KCNB2: variants seen among roughly 807,000 people sequenced by gnomAD.
KCNB2 encodes delayed rectifier potassium channel protein.
In KCNB2, 15 loss-of-function variants were observed where a neutral mutation model predicts 61.5. The observed-to-expected ratio is 0.24, with a 90% CI of 0.16 to 0.38. The LOEUF (loss-of-function observed/expected upper bound fraction) is 0.38, where lower values mean the gene tolerates loss of function less well. Ranked by LOEUF, KCNB2 falls within the 10% of genes least tolerant of loss-of-function variation. The pLI is 1.00. For synonymous variants in KCNB2, 457 were observed against 446.0 expected, an observed-to-expected ratio of 1.02 and a Z score of -0.31; for missense variants, 828 against 1,125.2, an observed-to-expected ratio of 0.74 and a Z score of 3.78.
In KCNB2 at chr8:72,561,719, A is replaced by C. The variant is rs866378431; in HGVS notation, c.-93-5923A>C. 2.1e-4 allele frequency among the ~76,000 whole-genome samples: 5 copies of C among 24,114 alleles called. 1 individual carries two copies. The highest frequency in any genetic ancestry group is 3.6e-4 in the African/African-American group (1 of 2,742). The allele number at this position is 24,114 out of a possible 152,430, so 15.8% of individuals were successfully genotyped here. A position where few individuals can be genotyped will look rare whatever the true frequency, so the allele number is the denominator to read the frequency against. ...TATATATATATATATATATATATAT[A>C]TATATATATCTATATCTATATATAT... is the stretch of plus-strand genomic sequence containing the variant. On this transcript the variant is annotated intron_variant, in intron 1 of 2. Coordinates refer to ENST00000523207, the MANE Select transcript of KCNB2 (RefSeq NM_004770.3).
chr8:72,727,075 CT>C (rs1256266831), intron 2 of KCNB2, among the ~76,000 whole-genome samples: 1 of 152,038 alleles, frequency 6.6e-6, no homozygotes, highest in Non-Finnish European at 1.5e-5. Flanking sequence ...ATTAAAAAGA[CT>C]AGTAAGCTAA....
intron 2 of KCNB2, among the ~76,000 whole-genome samples, chr8:72,576,338 C>T (rs1429005925): frequency 6.6e-6 from 1 of 152,100 alleles, no homozygotes; most frequent in Non-Finnish European, 1.5e-5. Context: ...AGCTGGTCAC[C>T]CAATGCTGTC....
intron 2 of KCNB2, among the ~76,000 whole-genome samples, chr8:72,655,670 C>T (rs1806279376): frequency 6.6e-6 from 1 of 151,978 alleles, no homozygotes; most frequent in Non-Finnish European, 1.5e-5. Context: ...TAGTTTTGAC[C>T]ATGATACATT....
At position 72,926,129 on chromosome 8, in the gene KCNB2, G is replaced by A. The variant is rs567315883; in HGVS notation, c.580-9806G>A. Among the ~76,000 whole-genome samples, 6 of 152,260 alleles carry A rather than the reference G, an allele frequency of 3.9e-5. No individual in the cohort carries two copies. The South Asian group carries it at 1.2e-3, about 32-fold the overall frequency. Reference sequence around the variant, plus strand: ...GTTGGGGGAGGGAGAGCATCAGGAAGAATAGCTAAGGGATGCTGGGCTCAA... The same window carrying A: ...GTTGGGGGAGGGAGAGCATCAGGAAAAATAGCTAAGGGATGCTGGGCTCAA... On this transcript the variant is annotated intron_variant, in intron 2 of 2. Transcript: ENST00000523207.
At chr8:72,600,858 G>C (rs1012953283) in intron 2 of KCNB2, among the ~76,000 whole-genome samples, 3 of 152,072 alleles carry the variant, frequency 2.0e-5, no homozygotes, top group African/African-American at 7.2e-5. Flanking sequence ...GGTGGGAGGA[G>C]GGAGAGGATC....
chr8:72,619,321 T>C (rs530682957), intron 2 of KCNB2: 23 of 611,730 alleles, frequency 3.8e-5, no homozygotes, highest in South Asian at 2.9e-4. Flanking sequence ...AAGTTCACAC[T>C]CTCCATGAGA....
chr8:72,858,020 T>A (rs1181769164), intron 2 of KCNB2, among the ~76,000 whole-genome samples: 1 of 152,106 alleles, frequency 6.6e-6, no homozygotes, highest in East Asian at 1.9e-4. Context: ...AACTTTAGAG[T>A]TAAAATAGAG....
chr8:72,906,106 C>T (rs904425224), intron 2 of KCNB2, among the ~76,000 whole-genome samples: 3 of 152,182 alleles, frequency 2.0e-5, no homozygotes, highest in Non-Finnish European at 4.4e-5. Flanking sequence ...AGATGAATAT[C>T]TTAGTCTTTG....
Position 72,567,980 on chromosome 8 carries a change from G to A in KCNB2, c.246G>A (p.Leu82=), listed in dbSNP as rs774136085. Residue 82 remains leucine, a synonymous_variant, in exon 2 of 3, where the codon CTG becomes CTA. Coordinates refer to ENST00000523207, the MANE Select transcript of KCNB2 (RefSeq NM_004770.3). ...TGGAAGTGTGCGACGACTATAATCT[G>A]AACGAGAACGAGTATTTCTTTGATC... is the stretch of plus-strand genomic sequence containing the variant. ...SLLEVCDDYN[L]NENEYFFDRH... is the part of the protein sequence containing the mutation. 1.4e-5 allele frequency: 23 copies of A among 1,614,004 alleles called. No individual in the cohort carries two copies. The highest frequency in any genetic ancestry group is 1.7e-5 in the Admixed American group (1 of 59,996).
intron 2 of KCNB2, among the ~76,000 whole-genome samples, chr8:72,705,544 G>A (rs902069816): frequency 6.6e-6 from 1 of 152,218 alleles, no homozygotes; most frequent in Admixed American, 6.5e-5. Context: ...AATCTCACTG[G>A]CAGGTTGTGC....
intron 2 of KCNB2, among the ~76,000 whole-genome samples, chr8:72,859,217 A>G (rs1435401901): frequency 6.6e-6 from 1 of 152,130 alleles, no homozygotes; most frequent in Non-Finnish European, 1.5e-5. Flanking sequence ...CATCTCACAG[A>G]TGGGGAAACA....
Position 72,760,039 on chromosome 8 carries a change from G to A in KCNB2, c.580-175896G>A, listed in dbSNP as rs146365848. Among the ~76,000 whole-genome samples the A allele has an allele frequency of 8.9e-4, 136 of 152,296 alleles. 1 individual carries two copies. The highest frequency in any genetic ancestry group is 2.9e-3 in the African/African-American group (122 of 41,568). On this transcript the variant is annotated intron_variant, in intron 2 of 2. Coordinates refer to ENST00000523207, the MANE Select transcript of KCNB2 (RefSeq NM_004770.3). ...AAATCAGTGGTCCACATAGTCAACC[G>A]AGATGCATGCTTTTACTTAGCCTTA...
At chr8:72,634,607 T>C (rs569313405) in intron 2 of KCNB2, among the ~76,000 whole-genome samples, 5 of 152,316 alleles carry the variant, frequency 3.3e-5, no homozygotes, top group African/African-American at 1.2e-4. Flanking sequence ...TCAGCTTTCC[T>C]TTCCTTGCTT....
At position 72,840,824 on chromosome 8, in the gene KCNB2, T is replaced by C. The variant is rs531533267; in HGVS notation, c.580-95111T>C. Among the ~76,000 whole-genome samples, 164 of 152,312 alleles carry C rather than the reference T, an allele frequency of 1.1e-3. 1 individual carries two copies. Among genetic ancestry groups the C allele is most frequent in the African/African-American group, 3.8e-3 (156 of 41,576 alleles). On this transcript the variant is annotated intron_variant, in intron 2 of 2. Transcript: ENST00000523207. Reference sequence around the variant, plus strand: ...ATTTGCCCTTTGTCAGATGGATAGATTGCAAAAATTTTCTCCTATTCTGTA... The same window carrying C: ...ATTTGCCCTTTGTCAGATGGATAGACTGCAAAAATTTTCTCCTATTCTGTA...
chr8:72,901,518 A>G (rs890364756), intron 2 of KCNB2, among the ~76,000 whole-genome samples: 5 of 152,152 alleles, frequency 3.3e-5, no homozygotes, highest in Non-Finnish European at 7.4e-5. Flanking sequence ...TTTTTCACTT[A>G]GTGAATACCA....
At chr8:72,790,220 C>A (rs1376810047) in intron 2 of KCNB2, among the ~76,000 whole-genome samples, 1 of 152,090 alleles carries the variant, frequency 6.6e-6, no homozygotes, top group Non-Finnish European at 1.5e-5. Context: ...AGGCCTTGAC[C>A]TCAAGTCAAG....
At chr8:72,569,101 T>G (rs896864504) in intron 2 of KCNB2, among the ~76,000 whole-genome samples, 1 of 152,220 alleles carries the variant, frequency 6.6e-6, no homozygotes, top group African/African-American at 2.4e-5. Context: ...TCTAATTTTA[T>G]CTAGAGCTTC....
At chr8:72,907,383 A>G (rs1464789216) in intron 2 of KCNB2, among the ~76,000 whole-genome samples, 1 of 151,988 alleles carries the variant, frequency 6.6e-6, no homozygotes, top group Non-Finnish European at 1.5e-5. Context: ...AACAAAAACA[A>G]AAAACCACAC....
chr8:72,653,001 G>A (rs1384980588), intron 2 of KCNB2, among the ~76,000 whole-genome samples: 2 of 152,008 alleles, frequency 1.3e-5, no homozygotes, highest in Non-Finnish European at 2.9e-5. Context: ...GCAATCCTTG[G>A]TGTTCCTTGG....
Sources: gnomAD v4.1 joint callset for allele counts (sites outside exome capture counted in the v4.1 genomes callset) on GRCh38, gnomAD v4.1.1 for gene constraint, MANE v1.5 for transcripts, NCBI Gene and HGNC (gene_info 2026-07-23, HGNC 2026-07-21) for gene names.